The following ADAMTS17 variants were observed in gnomAD, a reference collection of about 807,000 sequenced individuals.
ADAMTS17 encodes the protein A disintegrin and metalloproteinase with thrombospondin motifs 17.
ADAMTS17 carries 113 observed loss-of-function variants against 141.5 expected under a neutral mutation model. The ratio of observed to expected loss-of-function variants is 0.80; its 90% CI spans 0.69 to 0.93. The LOEUF is 0.93. ADAMTS17 is among the 40% of genes least tolerant of loss of function. The pLI is 0.00. For synonymous variants in ADAMTS17, 768 were observed against 630.6 expected, an observed-to-expected ratio of 1.22 and a Z score of -3.27; for missense variants, 1,659 against 1,517.9, an observed-to-expected ratio of 1.09 and a Z score of -1.54.
rs2045671227 is a variant in ADAMTS17 at position 100,319,661 on chromosome 15, G to C, written c.616+11228C>G. 3.3e-5 allele frequency among the ~76,000 whole-genome samples: 5 copies of C among 152,348 alleles called. No individual in the cohort carries two copies. The South Asian group carries it at 1.0e-3, about 32-fold the overall frequency. On this transcript the variant is annotated intron_variant, in intron 3 of 21. Transcript: ENST00000268070. Reference sequence around the variant, plus strand: ...GGAAGTGGAGGTTACAGTGAGTCAAGACCGTACCACTGCACTCCAACCTGG... The same window carrying C: ...GGAAGTGGAGGTTACAGTGAGTCAACACCGTACCACTGCACTCCAACCTGG...
rs561817691 is a variant in ADAMTS17 at position 100,295,239 on chromosome 15, C to T, written c.617-13838G>A. 2.3e-3 allele frequency among the ~76,000 whole-genome samples: 344 copies of T among 152,270 alleles called. 4 individuals are homozygous for T. The highest frequency in any genetic ancestry group is 8.1e-3 in the African/African-American group (337 of 41,544). ...TACTGAACAGAAAGGTCTCCATTTCCCATTCTGCCTCTTGTCTCCCAGCCC... is the reference window on the plus strand; with the variant it reads ...TACTGAACAGAAAGGTCTCCATTTCTCATTCTGCCTCTTGTCTCCCAGCCC... On this transcript the variant is annotated intron_variant, in intron 3 of 21. Transcript: ENST00000268070.
chr15:100,064,426 T>G (rs1239413208), intron 15 of ADAMTS17, among the ~76,000 whole-genome samples: 1 of 152,176 alleles, frequency 6.6e-6, no homozygotes, highest in African/African-American at 2.4e-5. Context: ...AGCCTGGTAT[T>G]CTGCGAGAAT....
intron 16 of ADAMTS17, 135 bp from the exon 17 acceptor site, chr15:100,051,866 G>A (rs113286236): frequency 1.8e-6 from 2 of 1,130,938 alleles, no homozygotes; most frequent in Admixed American, 3.6e-5. Flanking sequence ...GCTGAAAACA[G>A]GTTCCACTGA....
At chr15:100,117,138 C>A in intron 12 of ADAMTS17, 125 bp from the exon 13 acceptor site, 1 of 1,133,646 alleles carries the variant, frequency 8.8e-7, no homozygotes, top group Non-Finnish European at 1.3e-6. Context: ...AAGCCACCCC[C>A]TCTCTGCTGT....
At chr15:100,091,010 C>CAAAAA (rs556800178) in intron 15 of ADAMTS17, among the ~76,000 whole-genome samples, 1 of 54,596 alleles carries the variant, frequency 1.8e-5, no homozygotes, top group Non-Finnish European at 3.7e-5. Flanking sequence ...TCCGTCTCAA[C>CAAAAA]AAAAAAAAAA....
chr15:100,163,671 T>C (rs575598860), intron 8 of ADAMTS17, among the ~76,000 whole-genome samples: 3 of 152,296 alleles, frequency 2.0e-5, no homozygotes, highest in Admixed American at 2.0e-4. Flanking sequence ...AAATTCTATC[T>C]GATGCTCTAA....
intron 3 of ADAMTS17, among the ~76,000 whole-genome samples, chr15:100,289,070 G>C (rs1034247056): frequency 6.6e-6 from 1 of 152,044 alleles, no homozygotes; most frequent in African/African-American, 2.4e-5. Context: ...TTTGTTCTTT[G>C]AAAGAGTAAA....
rs1375071937 is a variant in ADAMTS17, at chr15:99,972,828, G to C, written c.*1574C>G. 2 of 152,168 alleles carry C rather than the reference G, an allele frequency of 1.3e-5. No individual in the cohort carries two copies. Among genetic ancestry groups the C allele is most frequent in the East Asian group, 1.9e-4 (1 of 5,200 alleles). The allele number at this position is 152,168 out of a possible 1,614,324, so 9.4% of individuals were successfully genotyped here. ...TAAGACAGGGTGGAGAAGGCAGAGA[G>C]GCTTCTTTCTGATTTAAGCTAACTC... On this transcript the variant is annotated 3_prime_UTR_variant, in exon 22 of 22. Coordinates refer to ENST00000268070, the MANE Select transcript of ADAMTS17 (RefSeq NM_139057.4).
At chr15:100,319,354 T>G (rs965778705) in intron 3 of ADAMTS17, among the ~76,000 whole-genome samples, 1 of 152,184 alleles carries the variant, frequency 6.6e-6, no homozygotes, top group African/African-American at 2.4e-5. Context: ...TCAGCAGAAT[T>G]TGAGCTCACG....
At chr15:100,119,483 C>A (rs548931281) in intron 12 of ADAMTS17, among the ~76,000 whole-genome samples, 1 of 152,232 alleles carries the variant, frequency 6.6e-6, no homozygotes, top group Admixed American at 6.5e-5. Flanking sequence ...GATTGGTGAA[C>A]ATCATGTGAT....
intron 8 of ADAMTS17, among the ~76,000 whole-genome samples, chr15:100,160,265 C>G (rs2039629919): frequency 1.3e-5 from 2 of 152,202 alleles, no homozygotes; most frequent in Admixed American, 1.3e-4. Flanking sequence ...ACTTTTCAAA[C>G]CTGGGGCACA....
chr15:100,133,930 T>TC (rs2038189241), intron 10 of ADAMTS17, among the ~76,000 whole-genome samples: 1 of 152,184 alleles, frequency 6.6e-6, no homozygotes, highest in South Asian at 2.1e-4. Flanking sequence ...CTACAGAACT[T>TC]CCAGAACATC....
At chr15:100,190,798 C>T (rs997080907) in intron 8 of ADAMTS17, among the ~76,000 whole-genome samples, 1 of 152,196 alleles carries the variant, frequency 6.6e-6, no homozygotes, top group Non-Finnish European at 1.5e-5. Context: ...CTGTGTAAGC[C>T]AAAGGTGTCT....
Position 100,281,357 on chromosome 15 carries a change from C to A in ADAMTS17, c.661G>T (p.Glu221Ter). Residue 221 changes from glutamate to a stop codon, truncating the protein, a stop_gained, in exon 4 of 22, where the codon GAG (glutamate) becomes TAG (stop). Coordinates refer to ENST00000268070, the MANE Select transcript of ADAMTS17 (RefSeq NM_139057.4). LOFTEE classifies it high-confidence loss of function. ...TWGRPSRDWR[E>*]RRNAIRLTSE... The stretch of plus-strand genomic sequence containing the variant: ...GTGAGCCGGATAGCGTTCCTCCGCT[C>A]CCGCCAGTCCCGCGAAGGCCTGCCC... 6.2e-7 allele frequency: 1 copy of A among 1,612,176 alleles called. No homozygotes were observed. Among genetic ancestry groups the A allele is most frequent in the Non-Finnish European group, 8.5e-7 (1 of 1,179,926 alleles).
intron 12 of ADAMTS17, among the ~76,000 whole-genome samples, chr15:100,127,990 C>T (rs926444229): frequency 3.3e-5 from 5 of 151,918 alleles, no homozygotes; most frequent in South Asian, 2.1e-4. Flanking sequence ...GAACCCAGTG[C>T]GTGGTGCAGG....
At chr15:100,304,943 CTT>C (rs1468187083) in intron 3 of ADAMTS17, among the ~76,000 whole-genome samples, 1 of 152,162 alleles carries the variant, frequency 6.6e-6, no homozygotes, top group Non-Finnish European at 1.5e-5. Flanking sequence ...TATATTTTCT[CTT>C]ATGATTTTCT....
intron 20 of ADAMTS17, among the ~76,000 whole-genome samples, chr15:99,992,121 A>C (rs190102493): frequency 6.6e-6 from 1 of 152,260 alleles, no homozygotes; most frequent in East Asian, 1.9e-4. Context: ...GCAAACCACC[A>C]TGACACATGT....
chr15:100,139,578 G>T (rs1288178997), intron 10 of ADAMTS17, among the ~76,000 whole-genome samples: 17 of 152,186 alleles, frequency 1.1e-4, no homozygotes. Flanking sequence ...CTCAACAAAA[G>T]GAAAAACAGT....
rs151092690 is a variant in ADAMTS17 at position 100,258,524 on chromosome 15, C to T, written c.1031+2955G>A. On this transcript the variant is annotated intron_variant, in intron 6 of 21. Coordinates refer to ENST00000268070, the MANE Select transcript of ADAMTS17 (RefSeq NM_139057.4). The stretch of plus-strand genomic sequence containing the variant: ...GAGGCCTCACAATCATGGTGGAAGG[C>T]GAAAGGCACGTCTCACATGGCAGCA... 2.3e-3 allele frequency among the ~76,000 whole-genome samples: 348 copies of T among 152,248 alleles called. 2 individuals carry two copies. Among genetic ancestry groups the T allele is most frequent in the African/African-American group, 7.5e-3 (310 of 41,540 alleles).
Sources: allele counts gnomAD v4.1 joint callset (sites outside exome capture counted in the v4.1 genomes callset), GRCh38; gene constraint gnomAD v4.1.1; transcripts MANE v1.5; gene names NCBI Gene and HGNC (gene_info 2026-07-23, HGNC 2026-07-21).